Variants in GJA5 observed in about 807,000 individuals in gnomAD.
GJA5 encodes gap junction protein alpha 5, also known as gap junction alpha-5 protein.
In GJA5, 3 loss-of-function variants were observed where a neutral mutation model predicts 7.9. That is an observed-to-expected ratio of 0.38 (90% CI 0.17 to 0.99). The LOEUF (loss-of-function observed/expected upper bound fraction) is 0.99. GJA5 is among the 50% of genes least tolerant of loss of function. GJA5 has a pLI of 0.38. For synonymous variants in GJA5, 193 were observed against 181.0 expected (o/e 1.07, Z -0.53); for missense variants, 390 against 457.9 (o/e 0.85, Z 1.35).
chr1:147,762,891 GA>G (rs1553227604), upstream of GJA5, among the ~76,000 whole-genome samples: 1 of 152,190 alleles, frequency 6.6e-6, no homozygotes, highest in African/African-American at 2.4e-5. Context: ...TTCTTGGCAG[GA>G]AGTGTATTAG....
intron 1 of GJA5, among the ~76,000 whole-genome samples, chr1:147,770,327 G>A (rs1159525013): frequency 6.6e-6 from 1 of 152,150 alleles, no homozygotes; most frequent in African/African-American, 2.4e-5. Flanking sequence ...AACATCTGGG[G>A]AGTCTGTGAC....
chr1:147,758,349 A>C lies in GJA5; in HGVS notation c.890T>G (p.Val297Gly). 1.2e-6 allele frequency: 2 copies of C among 1,614,142 alleles called. No individual in the cohort carries two copies. Among genetic ancestry groups the C allele is most frequent in the Non-Finnish European group, 1.7e-6 (2 of 1,180,014 alleles). The stretch of plus-strand genomic sequence containing the variant: ...CTCCTGACCTCGTACTTGCTCGGTG[A>C]CCAGGTTGTCTGTGTTTTGTTGGGA... ...MASQQNTDNL[V>G]TEQVRGQEQT... Residue 297 changes from valine (V) to glycine (G), a missense_variant, in exon 2 of 2, where the codon GTC (valine) becomes GGC (glycine). Val to Gly is a moderately radical substitution (Grantham distance 109). Transcript: ENST00000579774.
chr1:147,756,321 A>T lies in GJA5; in HGVS notation c.*1841T>A, dbSNP rs587763167. 1.3e-5 allele frequency: 2 copies of T among 152,378 alleles called. No individual in the cohort carries two copies. The highest frequency in any genetic ancestry group is 1.3e-4 in the Admixed American group (2 of 15,312). The allele number at this position is 152,378 out of a possible 1,614,324, so 9.4% of individuals were successfully genotyped here. On this transcript the variant is annotated 3_prime_UTR_variant, in exon 2 of 2. Transcript: ENST00000579774. ...CTAATTCAAGAACACTCATTTCATA[A>T]AACATTTCAGAGATAGAAGGAGAGA...
rs1663850745 is a variant in GJA5 at position 147,758,741 on chromosome 1, GC to G, written c.497del (p.Gly166AlafsTer14). The G allele has an allele frequency of 2.5e-6, 4 of 1,614,030 alleles. No individual in the cohort carries two copies. Among genetic ancestry groups the G allele is most frequent in the Non-Finnish European group, 3.4e-6 (4 of 1,179,986 alleles). The part of the protein sequence containing the change: ...SILIRTTMEV[G>X]FIVGQYFIYG... ...AGATGAAGTACTGGCCCACAATGAA[GC>G]CCACCTCCATGGTGGTGCGGATCAG... On this transcript the variant is annotated frameshift_variant, in exon 2 of 2. Coordinates refer to ENST00000579774, the MANE Select transcript of GJA5 (RefSeq NM_181703.4). LOFTEE classifies it low-confidence loss of function (END_TRUNC).
At chr1:147,771,942 C>T (rs1206865711) in intron 1 of GJA5, among the ~76,000 whole-genome samples, 1 of 152,150 alleles carries the variant, frequency 6.6e-6, no homozygotes, top group Non-Finnish European at 1.5e-5. Context: ...GGCTGTGACT[C>T]TGGGGACAGT....
rs372194912 is a variant in GJA5, at chr1:147,765,771, T to C, written c.-33-6500A>G. 3.3e-5 allele frequency among the ~76,000 whole-genome samples: 5 copies of C among 152,270 alleles called. No homozygotes were observed. The South Asian group carries it at 1.0e-3, about 32-fold the overall frequency. The stretch of plus-strand genomic sequence containing the variant: ...CCATTATTTGCTCCTGAGGGCCTAA[T>C]CTGAAGCCTCCAAATGGGGTTGGGG... On this transcript the variant is annotated intron_variant, in intron 1 of 1. Coordinates refer to the GJA5 transcript ENST00000430508.
chr1:147,768,043 A>G (rs1664272250), intron 1 of GJA5, among the ~76,000 whole-genome samples: 1 of 152,154 alleles, frequency 6.6e-6, no homozygotes, highest in Non-Finnish European at 1.5e-5. Context: ...ATGTGATGTA[A>G]CTGTAGCTAC....
upstream of GJA5, among the ~76,000 whole-genome samples, chr1:147,762,986 TCAC>T (rs1300994985): frequency 6.6e-6 from 1 of 152,244 alleles, no homozygotes; most frequent in Middle Eastern, 3.2e-3. Flanking sequence ...GCAGTTATCC[TCAC>T]TGGCTTCCTA....
intron 1 of GJA5, among the ~76,000 whole-genome samples, chr1:147,769,876 T>A (rs1254700871): frequency 4.6e-5 from 7 of 151,968 alleles, no homozygotes; most frequent in African/African-American, 1.5e-4. Flanking sequence ...TAACTCAAGA[T>A]TTTGGGCCTG....
chr1:147,759,256 A>T lies in GJA5; in HGVS notation c.-18T>A. 1 of 1,525,864 alleles carries T rather than the reference A, an allele frequency of 6.6e-7. No individual in the cohort carries two copies. Among genetic ancestry groups the T allele is most frequent in the Non-Finnish European group, 9.1e-7 (1 of 1,100,220 alleles). The allele number at this position is 1,525,864 out of a possible 1,614,324, so 94.5% of individuals were successfully genotyped here. On this transcript the variant is annotated 5_prime_UTR_variant, in exon 2 of 2. Coordinates refer to ENST00000579774, the MANE Select transcript of GJA5 (RefSeq NM_181703.4). The stretch of plus-strand genomic sequence containing the variant: ...TCGCCCATCTTGGCACAGCCAGGGA[A>T]CAGATGCCAAAACTTCTGCAAATGG...
chr1:147,771,781 C>G (rs782172896), intron 1 of GJA5, among the ~76,000 whole-genome samples: 1 of 152,198 alleles, frequency 6.6e-6, no homozygotes, highest in Non-Finnish European at 1.5e-5. Flanking sequence ...CATTGGGACT[C>G]CTCACTGGCA....
At chr1:147,765,923 G>A (rs1422621881) in intron 1 of GJA5, among the ~76,000 whole-genome samples, 3 of 152,116 alleles carry the variant, frequency 2.0e-5, no homozygotes, top group East Asian at 3.9e-4. Context: ...CTGCACCCTC[G>A]TCTCTCCTGC....
At chr1:147,766,738 C>T (rs1553228248) in intron 1 of GJA5, among the ~76,000 whole-genome samples, 1 of 152,150 alleles carries the variant, frequency 6.6e-6, no homozygotes, top group Non-Finnish European at 1.5e-5. Context: ...GACACATGTT[C>T]TGGACAGTAT....
At chr1:147,767,432 G>T (rs1373449848) in intron 1 of GJA5, among the ~76,000 whole-genome samples, 1 of 151,180 alleles carries the variant, frequency 6.6e-6, no homozygotes, top group Non-Finnish European at 1.5e-5. Flanking sequence ...TTGTCACCCA[G>T]GCTGGAGTGC....
upstream of GJA5, among the ~76,000 whole-genome samples, chr1:147,764,614 C>T (rs1664133599): frequency 6.6e-6 from 1 of 152,080 alleles, no homozygotes; most frequent in African/African-American, 2.4e-5. Context: ...CATCTGAGGT[C>T]AGGAGTTTAA....
At chr1:147,764,688 G>A (rs1473738754), upstream of GJA5, among the ~76,000 whole-genome samples, 11 of 152,082 alleles carry the variant, frequency 7.2e-5, no homozygotes, top group Non-Finnish European at 1.5e-4. Context: ...GCCCAGTGTG[G>A]TGGTGGGCAC....
chr1:147,760,203 G>A (rs1440642330), intron 1 of GJA5, among the ~76,000 whole-genome samples: 4 of 152,076 alleles, frequency 2.6e-5, no homozygotes, highest in African/African-American at 9.7e-5. Context: ...ACACAGATCT[G>A]CCCACCCTTA....
At chr1:147,770,269 G>T (rs984787157) in intron 1 of GJA5, among the ~76,000 whole-genome samples, 1 of 152,124 alleles carries the variant, frequency 6.6e-6, no homozygotes, top group South Asian at 2.1e-4. Flanking sequence ...GCCTCACTTT[G>T]CTCACATGTG....
chr1:147,772,759 AT>A (rs1233868206), intron 1 of GJA5, among the ~76,000 whole-genome samples: 2 of 126,738 alleles, frequency 1.6e-5, no homozygotes, highest in Non-Finnish European at 3.1e-5. Context: ...AGCAGGGAAT[AT>A]TTTTAAACCA....
Sources: allele counts gnomAD v4.1 joint callset (sites outside exome capture counted in the v4.1 genomes callset), GRCh38; gene constraint gnomAD v4.1.1; transcripts MANE v1.5; gene names NCBI Gene and HGNC (gene_info 2026-07-23, HGNC 2026-07-21).